KLHL11: variants seen among roughly 807,000 people sequenced by gnomAD.
KLHL11 encodes kelch like family member 11.
In KLHL11, 26 loss-of-function variants were observed where a neutral mutation model predicts 56.1. That is an observed-to-expected ratio of 0.46 (90% CI 0.34 to 0.64). The LOEUF (loss-of-function observed/expected upper bound fraction) is 0.64, where lower values mean the gene tolerates loss of function less well. Among genes scored for constraint, KLHL11 ranks in the 30% least tolerant of loss-of-function variants. The pLI, the probability that KLHL11 is intolerant of heterozygous loss-of-function variation, is 0.01. For synonymous variants in KLHL11, 338 were observed against 345.8 expected (o/e 0.98, Z 0.25); for missense variants, 627 against 919.4 (o/e 0.68, Z 4.11).
At chr17:41,858,256 T>A (rs2048379020) in intron 1 of KLHL11, among the ~76,000 whole-genome samples, 1 of 144,832 alleles carries the variant, frequency 6.9e-6, no homozygotes, top group Non-Finnish European at 1.5e-5. Flanking sequence ...CAGATCAGAT[T>A]CTCACCGTTA....
rs1555622094 is a variant in KLHL11 at position 41,852,529 on chromosome 17, G to A, written c.*1211C>T. The stretch of plus-strand genomic sequence containing the variant: ...TAATGGACTGGGCACGGTGGCTCAT[G>A]CCTGTAATCCCAGCACTTTGGGAGG... On this transcript the variant is annotated 3_prime_UTR_variant, in exon 2 of 2. Coordinates refer to ENST00000319121, the MANE Select transcript of KLHL11 (RefSeq NM_018143.3). 1.3e-5 allele frequency among the ~76,000 whole-genome samples: 2 copies of A among 152,088 alleles called. No homozygotes were observed. The highest frequency in any genetic ancestry group is 2.9e-5 in the Non-Finnish European group (2 of 68,008).
chr17:41,854,408 C>T lies in KLHL11; in HGVS notation c.1459G>A (p.Ala487Thr). 1.2e-6 allele frequency: 2 copies of T among 1,614,154 alleles called. No individual in the cohort carries two copies. Among genetic ancestry groups the T allele is most frequent in the Non-Finnish European group, 1.7e-6 (2 of 1,180,032 alleles). The change falls in exon 2 of 2, where the codon GCA becomes ACA. Residue 487 changes from alanine to threonine, a missense_variant. Transcript: ENST00000319121. This position sits in a 1 kb window ranked among gnomAD's most constrained non-coding sequence, Gnocchi z 4.9. ...ELDKWHNLES[A>T]PKILRDVKAL... ...TTGACATCTCGAAGAATCTTTGGTG[C>T]CGATTCCAAGTTGTGCCATTTATCA...
Position 41,855,989 on chromosome 17 carries a change from C to A in KLHL11, c.546-668G>T, listed in dbSNP as rs71373460. Among the ~76,000 whole-genome samples the A allele has an allele frequency of 2.7e-4, 41 of 149,192 alleles. 1 individual carries two copies. Among genetic ancestry groups the A allele is most frequent in the African/African-American group, 6.2e-4 (25 of 40,502 alleles). ...CCATGCCCGGCCTACACCATCCCCCCCCCAAAAAAAAACTCCAAAAAAACA... is the reference window on the plus strand; with the variant it reads ...CCATGCCCGGCCTACACCATCCCCCACCCAAAAAAAAACTCCAAAAAAACA... On this transcript the variant is annotated intron_variant, in intron 1 of 1. Coordinates refer to ENST00000319121, the MANE Select transcript of KLHL11 (RefSeq NM_018143.3).
chr17:41,859,419 G>T (rs1438273425), intron 1 of KLHL11, among the ~76,000 whole-genome samples: 1 of 152,098 alleles, frequency 6.6e-6, no homozygotes, highest in Non-Finnish European at 1.5e-5. Context: ...CAAAAAATTA[G>T]CTGGGCGTGG....
chr17:41,858,853 T>C (rs1279181839), intron 1 of KLHL11, among the ~76,000 whole-genome samples: 2 of 151,942 alleles, frequency 1.3e-5, no homozygotes, highest in African/African-American at 4.8e-5. Flanking sequence ...AGATTACAGG[T>C]GTGAGCCACC....
intron 1 of KLHL11, among the ~76,000 whole-genome samples, chr17:41,860,983 C>T (rs1394174143): frequency 6.6e-6 from 1 of 152,194 alleles, no homozygotes; most frequent in African/African-American, 2.4e-5. Flanking sequence ...AGAAAATCTA[C>T]ATTAATGAGG....
chr17:41,858,434 TG>T (rs2048381723), intron 1 of KLHL11, among the ~76,000 whole-genome samples: 1 of 64,304 alleles, frequency 1.6e-5, no homozygotes, highest in African/African-American at 5.3e-5. Context: ...TTGTTGTTGT[TG>T]TTGTTTTTCT....
intron 1 of KLHL11, among the ~76,000 whole-genome samples, chr17:41,863,178 A>C (rs1410648230): frequency 7.5e-6 from 1 of 133,562 alleles, no homozygotes; most frequent in Non-Finnish European, 1.6e-5. Flanking sequence ...CCCCAATGCC[A>C]CATCCTTTGT....
At chr17:41,858,679 C>G (rs559141641) in intron 1 of KLHL11, among the ~76,000 whole-genome samples, 1 of 152,066 alleles carries the variant, frequency 6.6e-6, no homozygotes, top group African/African-American at 2.4e-5. Context: ...GGTGATCCAC[C>G]CACCTCGGCC....
In KLHL11 at chr17:41,850,133, A is replaced by G. The variant is rs1246726792; in HGVS notation, c.*3607T>C. On this transcript the variant is annotated 3_prime_UTR_variant, in exon 2 of 2. Coordinates refer to ENST00000319121, the MANE Select transcript of KLHL11 (RefSeq NM_018143.3). Reference sequence around the variant, plus strand: ...CCAAATACTCTGGGAAGTTATTTCCAGTTTAGAATTTCAGAATGTCAGCCT... The same window carrying G: ...CCAAATACTCTGGGAAGTTATTTCCGGTTTAGAATTTCAGAATGTCAGCCT... The G allele has an allele frequency of 1.3e-5, 2 of 152,196 alleles. No individual in the cohort carries two copies. Among genetic ancestry groups the G allele is most frequent in the Non-Finnish European group, 2.9e-5 (2 of 68,030 alleles). 9.4% of individuals were successfully genotyped at this position (152,196 alleles called of 1,614,324 possible). A position where few individuals can be genotyped will look rare whatever the true frequency, so the allele number is the denominator to read the frequency against.
chr17:41,854,675 C>T lies in KLHL11; in HGVS notation c.1192G>A (p.Asp398Asn). The T allele has an allele frequency of 6.2e-7, 1 of 1,614,138 alleles. No homozygotes were observed. The highest frequency in any genetic ancestry group is 1.1e-5 in the South Asian group (1 of 91,084). Reference protein sequence around the residue: ...VNLPHIHNHLDGHAVAVTESY... With the variant: ...VNLPHIHNHLNGHAVAVTESY... ...TCTGTTACTGCAACAGCATGTCCAT[C>T]GAGGTGATTATGAATATGTGGCAGA... Residue 398 changes from aspartate (D) to asparagine (N), a missense_variant, in exon 2 of 2, where the codon GAT (aspartate) becomes AAT (asparagine). This residue lies in a region of KLHL11 where 106 missense variants were observed against 227.0 expected (regional missense o/e 0.47). Coordinates refer to ENST00000319121, the MANE Select transcript of KLHL11 (RefSeq NM_018143.3). This position sits in a 1 kb window ranked among gnomAD's most constrained non-coding sequence, Gnocchi z 4.9.
intron 1 of KLHL11, among the ~76,000 whole-genome samples, chr17:41,862,941 TTAA>T (rs1333626472): frequency 2.0e-5 from 3 of 152,270 alleles, no homozygotes; most frequent in Admixed American, 6.5e-5. Context: ...CTTCCACATC[TTAA>T]TAATTCCATC....
chr17:41,858,406 T>A (rs34995044), intron 1 of KLHL11, among the ~76,000 whole-genome samples: 102,608 of 136,950 alleles, frequency 0.75, 36,370 homozygotes, highest in East Asian at 0.83. Context: ...ATATATATAT[T>A]TTTTGTTGTT....
In KLHL11 at chr17:41,854,200, G is replaced by C; in HGVS notation, c.1667C>G (p.Ser556Ter). The stretch of plus-strand genomic sequence containing the variant: ...ACATGATGCTGTCTGATAAAAGTTT[G>C]AATTGACCACAGACATTTGGAAAAA... ...YCFFQMSVVN[S>*]NFYQTASCCP... The change falls in exon 2 of 2, where the codon TCA (serine) becomes TGA (stop). Residue 556 changes from serine to a stop codon, truncating the protein, a stop_gained. Coordinates refer to ENST00000319121, the MANE Select transcript of KLHL11 (RefSeq NM_018143.3). LOFTEE classifies it high-confidence loss of function. The surrounding 1 kb of genome is among the most constrained non-coding windows in gnomAD (Gnocchi z 4.9). 6.2e-7 allele frequency: 1 copy of C among 1,614,138 alleles called. No homozygotes were observed. Among genetic ancestry groups the C allele is most frequent in the Non-Finnish European group, 8.5e-7 (1 of 1,180,014 alleles).
intron 1 of KLHL11, among the ~76,000 whole-genome samples, chr17:41,862,006 G>A (rs2048406482): frequency 6.6e-6 from 1 of 152,064 alleles, no homozygotes; most frequent in Admixed American, 6.6e-5. Flanking sequence ...TCACTAATGG[G>A]TTGACAGAGT....
chr17:41,859,884 G>T (rs782390494), intron 1 of KLHL11, among the ~76,000 whole-genome samples: 2 of 152,158 alleles, frequency 1.3e-5, no homozygotes, highest in Non-Finnish European at 2.9e-5. Context: ...CAATCAGCCT[G>T]AGGATAGCCA....
In KLHL11 at chr17:41,852,566, G is replaced by GT. The variant is rs1393823381; in HGVS notation, c.*1173dup. Among the ~76,000 whole-genome samples the GT allele has an allele frequency of 3.4e-4, 52 of 151,722 alleles. No homozygotes were observed. The highest frequency in any genetic ancestry group is 1.3e-3 in the African/African-American group (52 of 41,326). On this transcript the variant is annotated 3_prime_UTR_variant, in exon 2 of 2. Coordinates refer to ENST00000319121, the MANE Select transcript of KLHL11 (RefSeq NM_018143.3). ...AGCACTTTGGGAGGCTGAGGCGGGCGTATCACCTGAGGTCAGGAGTTCAAG... is the reference window on the plus strand; with the variant it reads ...AGCACTTTGGGAGGCTGAGGCGGGCGTTATCACCTGAGGTCAGGAGTTCAAG...
At position 41,849,620 on chromosome 17, in the gene KLHL11, C is replaced by A. The variant is rs1024553355; in HGVS notation, c.*4120G>T. 2 of 151,996 alleles carry A rather than the reference C, an allele frequency of 1.3e-5. No individual in the cohort carries two copies. The highest frequency in any genetic ancestry group is 2.4e-5 in the African/African-American group (1 of 41,378). The allele number at this position is 151,996 out of a possible 1,614,324, so 9.4% of individuals were successfully genotyped here. A position where few individuals can be genotyped will look rare whatever the true frequency, so the allele number is the denominator to read the frequency against. ...TGGTCCCAGAAATACTATATAAAAC[C>A]GGGTGATCAAAACAAAACTTATGTC... On this transcript the variant is annotated 3_prime_UTR_variant, in exon 2 of 2. Coordinates refer to ENST00000319121, the MANE Select transcript of KLHL11 (RefSeq NM_018143.3).
Position 41,854,315 on chromosome 17 carries a change from C to T in KLHL11, c.1552G>A (p.Asp518Asn). The T allele has an allele frequency of 3.1e-6, 5 of 1,614,182 alleles. No homozygotes were observed. The highest frequency in any genetic ancestry group is 4.2e-6 in the Non-Finnish European group (5 of 1,180,004). Residue 518 changes from aspartate to asparagine, a missense_variant, in exon 2 of 2, where the codon GAT (aspartate) becomes AAT (asparagine). Coordinates refer to ENST00000319121, the MANE Select transcript of KLHL11 (RefSeq NM_018143.3). The surrounding 1 kb of genome is among the most constrained non-coding windows in gnomAD (Gnocchi z 4.9). ...CAAGTAATTACAGCCTTTAATCCAT[C>T]TTCAGTGTCCCGGTCTACAGGAGTG... is the stretch of plus-strand genomic sequence containing the variant. Reference protein sequence around the residue: ...ARTPVDRDTEDGLKAVITCYD... With the variant: ...ARTPVDRDTENGLKAVITCYD...
Sources: allele counts gnomAD v4.1 joint callset (sites outside exome capture counted in the v4.1 genomes callset), GRCh38; gene constraint gnomAD v4.1.1; regional missense constraint gnomAD v4.1.1; non-coding constraint Gnocchi (gnomAD v3.1); transcripts MANE v1.5; gene names NCBI Gene and HGNC (gene_info 2026-07-23, HGNC 2026-07-21).